The following IMMP2L variants were observed in gnomAD, a reference collection of about 807,000 sequenced individuals.
The protein encoded by IMMP2L is mitochondrial inner membrane protease subunit 2.
In IMMP2L, 18 loss-of-function variants were observed where a neutral mutation model predicts 19.3. That is an observed-to-expected ratio of 0.93 (90% CI 0.64 to 1.38). The LOEUF is 1.38. Among genes scored for constraint, IMMP2L ranks in the 40% most tolerant of loss-of-function variants. The pLI is 0.00. For missense variants in IMMP2L, 233 were observed against 218.2 expected, an observed-to-expected ratio of 1.07 and a Z score of -0.43; for synonymous variants, 76 against 73.0, an observed-to-expected ratio of 1.04 and a Z score of -0.21.
intron 3 of IMMP2L, among the ~76,000 whole-genome samples, chr7:111,038,736 C>T (rs566907494): frequency 6.6e-6 from 1 of 152,200 alleles, no homozygotes; most frequent in Admixed American, 6.5e-5. Context: ...CAATATTTTT[C>T]AAGCCAATTT....
Position 111,077,431 on chromosome 7 carries a change from C to T in IMMP2L, c.240-113866G>A, listed in dbSNP as rs183042839. 1.1e-4 allele frequency among the ~76,000 whole-genome samples: 17 copies of T among 152,340 alleles called. No homozygotes were observed. In the East Asian group the frequency reaches 3.3e-3, roughly 29 times the overall value. On this transcript the variant is annotated intron_variant, in intron 3 of 5. Coordinates refer to ENST00000405709, the MANE Select transcript of IMMP2L (RefSeq NM_032549.4). ...TAGCACCATTATCCACATAGCAGCACCACTGTCTACTATGATGTAGAAGTC... is the reference window on the plus strand; with the variant it reads ...TAGCACCATTATCCACATAGCAGCATCACTGTCTACTATGATGTAGAAGTC...
In IMMP2L at chr7:110,902,479, AATATAT is replaced by A. The variant is rs67367468; in HGVS notation, c.306-15790_306-15785del. Among the ~76,000 whole-genome samples the A allele has an allele frequency of 1.4e-4, 19 of 140,548 alleles. No individual in the cohort carries two copies. The East Asian group carries it at 2.7e-3, about 20-fold the overall frequency. 92.2% of individuals were successfully genotyped at this position (140,548 alleles called of 152,430 possible). On this transcript the variant is annotated intron_variant, in intron 4 of 5. Transcript: ENST00000405709. Reference sequence around the variant, plus strand: ...AATATAAATATGTCATGAATGATAAAATATATATATATATATATATATAGTATCAAG... The same window carrying A: ...AATATAAATATGTCATGAATGATAAAATATATATATATATATAGTATCAAG...
At chr7:111,545,126 A>ATTATATT (rs1441608124) in intron 1 of IMMP2L, among the ~76,000 whole-genome samples, 1 of 151,976 alleles carries the variant, frequency 6.6e-6, no homozygotes, top group African/African-American at 2.4e-5. Context: ...AACTAGTACA[A>ATTATATT]TTATATTTTT....
intron 2 of IMMP2L, among the ~76,000 whole-genome samples, chr7:111,496,060 C>T (rs544875171): frequency 2.6e-5 from 4 of 152,246 alleles, no homozygotes; most frequent in Non-Finnish European, 4.4e-5. Flanking sequence ...TTGATTTAGA[C>T]TTTTTAACAC....
rs139061313 is a variant in IMMP2L, at chr7:111,089,844, C to G, written c.240-126279G>C. Among the ~76,000 whole-genome samples, 286 of 152,004 alleles carry G rather than the reference C, an allele frequency of 1.9e-3. 1 individual carries two copies. The highest frequency in any genetic ancestry group is 3.1e-3 in the African/African-American group (130 of 41,458). ...AGTGAAAATATTCAGTATTTAAAGA[C>G]AAGCCTACTGTTTAAAATTTTTCCT... On this transcript the variant is annotated intron_variant, in intron 3 of 5. Coordinates refer to ENST00000405709, the MANE Select transcript of IMMP2L (RefSeq NM_032549.4).
chr7:111,287,592 T>C (rs547722318), intron 3 of IMMP2L, among the ~76,000 whole-genome samples: 3 of 151,920 alleles, frequency 2.0e-5, no homozygotes, highest in East Asian at 3.9e-4. Flanking sequence ...AAATTGGCAA[T>C]ATTTTTCTCA....
At chr7:111,386,207 A>G (rs910402997) in intron 3 of IMMP2L, among the ~76,000 whole-genome samples, 7 of 152,098 alleles carry the variant, frequency 4.6e-5, no homozygotes. Flanking sequence ...ATAACCTGAT[A>G]TAATAATCTA....
At chr7:111,556,018 G>GTGTGTGTGTATATATATATA (rs777862357) in intron 1 of IMMP2L, among the ~76,000 whole-genome samples, 1 of 91,334 alleles carries the variant, frequency 1.1e-5, no homozygotes, top group Admixed American at 1.4e-4. Flanking sequence ...CTGTGTGCAT[G>GTGTGTGTGTATATATATATA]TATATATATA....
At chr7:111,082,457 AT>A (rs1563222478) in intron 3 of IMMP2L, among the ~76,000 whole-genome samples, 1 of 152,208 alleles carries the variant, frequency 6.6e-6, no homozygotes, top group Non-Finnish European at 1.5e-5. Flanking sequence ...ATTTTCAAGC[AT>A]TTTTTGTTCT....
intron 5 of IMMP2L, among the ~76,000 whole-genome samples, chr7:110,690,534 T>C (rs573125559): frequency 6.6e-6 from 1 of 152,250 alleles, no homozygotes. Context: ...TTGCCGATGA[T>C]ATGATCATAT....
At chr7:110,778,672 C>T (rs937670533) in intron 5 of IMMP2L, among the ~76,000 whole-genome samples, 10 of 151,886 alleles carry the variant, frequency 6.6e-5, no homozygotes, top group African/African-American at 2.4e-4. Context: ...AAGGATGGAA[C>T]CAAAGAAATT....
chr7:110,799,828 T>G (rs547085582), intron 5 of IMMP2L, among the ~76,000 whole-genome samples: 1 of 152,180 alleles, frequency 6.6e-6, no homozygotes, highest in South Asian at 2.1e-4. Flanking sequence ...CGAATTCCAC[T>G]GGTTGAGGCT....
At position 110,924,877 on chromosome 7, in the gene IMMP2L, T is replaced by C. The variant is rs6967679; in HGVS notation, c.306-38182A>G. ...GCCACTACACTGCCTTAGAGCCTTA[T>C]ATTTCAAGAAAATGGTATATTCAAA... On this transcript the variant is annotated intron_variant, in intron 4 of 5. Coordinates refer to ENST00000405709, the MANE Select transcript of IMMP2L (RefSeq NM_032549.4). This position sits in a 1 kb window ranked among gnomAD's most constrained non-coding sequence, Gnocchi z 4.2. Among the ~76,000 whole-genome samples the C allele has an allele frequency of 5.0e-3, 761 of 152,292 alleles. 7 individuals are homozygous for C. Among genetic ancestry groups the C allele is most frequent in the African/African-American group, 0.018 (728 of 41,568 alleles).
At chr7:111,195,429 A>G in intron 3 of IMMP2L, among the ~76,000 whole-genome samples, 1 of 151,906 alleles carries the variant, frequency 6.6e-6, no homozygotes, top group South Asian at 2.1e-4. Flanking sequence ...TGCAAGGAAT[A>G]AAAAAGAGAT....
chr7:111,344,961 C>T (rs1323365884), intron 3 of IMMP2L, among the ~76,000 whole-genome samples: 1 of 151,962 alleles, frequency 6.6e-6, no homozygotes, highest in Non-Finnish European at 1.5e-5. Flanking sequence ...GAATATGAGG[C>T]AAAACAACAT....
intron 5 of IMMP2L, among the ~76,000 whole-genome samples, chr7:110,798,083 C>A (rs186375046): frequency 6.6e-6 from 1 of 151,832 alleles, no homozygotes. Context: ...AATCTTACAG[C>A]GGTCATATAG....
rs542004027 is a variant in IMMP2L, at chr7:111,111,976, C to T, written c.240-148411G>A. Among the ~76,000 whole-genome samples, 703 of 95,164 alleles carry T rather than the reference C, an allele frequency of 7.4e-3. 6 individuals carry two copies. The highest frequency in any genetic ancestry group is 0.028 in the Middle Eastern group (2 of 72). 62.4% of individuals were successfully genotyped at this position (95,164 alleles called of 152,430 possible). On this transcript the variant is annotated intron_variant, in intron 3 of 5. Transcript: ENST00000405709. ...TTTTTTTTTTTTTTTGAGATGGAGT[C>T]TTGCTCTGTCTCCCAGGCTGGAGTG...
At chr7:111,374,044 C>A (rs914813295) in intron 3 of IMMP2L, among the ~76,000 whole-genome samples, 6 of 151,854 alleles carry the variant, frequency 4.0e-5, no homozygotes, top group Non-Finnish European at 8.8e-5. Flanking sequence ...TACTCTGCAG[C>A]AAAGACCTCA....
chr7:111,406,285 C>CA (rs1300587122), intron 3 of IMMP2L, among the ~76,000 whole-genome samples: 1 of 151,992 alleles, frequency 6.6e-6, no homozygotes, highest in East Asian at 1.9e-4. Flanking sequence ...TCCCAGCCAT[C>CA]AAAAAAGTAC....
Sources: allele counts gnomAD v4.1 joint callset (sites outside exome capture counted in the v4.1 genomes callset), GRCh38; gene constraint gnomAD v4.1.1; non-coding constraint Gnocchi (gnomAD v3.1); transcripts MANE v1.5; gene names NCBI Gene and HGNC (gene_info 2026-07-23, HGNC 2026-07-21).